Variants in NOX4 observed in about 807,000 individuals in gnomAD.
NOX4 encodes kidney oxidase-1.
NOX4 carries 69 observed loss-of-function variants against 87.6 expected under a neutral mutation model. The ratio of observed to expected loss-of-function variants is 0.79; its 90% confidence interval spans 0.65 to 0.96. The LOEUF (loss-of-function observed/expected upper bound fraction) is 0.96. Among genes scored for constraint, NOX4 ranks in the 40% least tolerant of loss-of-function variants. The pLI, the probability that NOX4 is intolerant of heterozygous loss-of-function variation, is 0.00. For missense variants in NOX4, 680 were observed against 681.5 expected (o/e 1.00, Z 0.02); for synonymous variants, 275 against 238.2 (o/e 1.15, Z -1.42).
At chr11:89,420,308 T>C (rs186974964) in intron 8 of NOX4, among the ~76,000 whole-genome samples, 2 of 152,316 alleles carry the variant, frequency 1.3e-5, no homozygotes, top group Non-Finnish European at 2.9e-5. Context: ...GTAAGCATTA[T>C]GTAACTATTT....
intron 13 of NOX4, among the ~76,000 whole-genome samples, chr11:89,349,685 G>A (rs987775408): frequency 6.6e-6 from 1 of 152,116 alleles, no homozygotes; most frequent in African/African-American, 2.4e-5. Context: ...TCCGATATTA[G>A]GAAGCTCAGA....
chr11:89,390,321 G>A (rs2135131826), intron 11 of NOX4, among the ~76,000 whole-genome samples: 1 of 152,254 alleles, frequency 6.6e-6, no homozygotes, highest in East Asian at 1.9e-4. Flanking sequence ...GTACAAATGA[G>A]CGAGCTTGTA....
At chr11:89,337,608 C>A in intron 15 of NOX4, 93 bp from the exon 16 acceptor site, 2 of 1,535,016 alleles carry the variant, frequency 1.3e-6, no homozygotes, top group Non-Finnish European at 1.8e-6. Context: ...TAGAATTTAA[C>A]ACAACCTAGC....
intron 4 of NOX4, among the ~76,000 whole-genome samples, chr11:89,445,931 C>A (rs1381999995): frequency 6.6e-6 from 1 of 151,906 alleles, no homozygotes; most frequent in African/African-American, 2.4e-5. Context: ...AGAAGATAAG[C>A]CACAGACTGG....
intron 11 of NOX4, among the ~76,000 whole-genome samples, chr11:89,394,739 G>A (rs1228423672): frequency 1.3e-5 from 2 of 151,902 alleles, no homozygotes; most frequent in East Asian, 3.9e-4. Context: ...ACCTATGAGT[G>A]AGAACATGTG....
intron 8 of NOX4, among the ~76,000 whole-genome samples, chr11:89,421,298 T>C (rs1167911759): frequency 6.6e-6 from 1 of 152,162 alleles, no homozygotes. Flanking sequence ...TCTTCATGTA[T>C]TGTTTTAAGC....
At chr11:89,416,593 C>A (rs1942789334) in intron 8 of NOX4, among the ~76,000 whole-genome samples, 1 of 152,154 alleles carries the variant, frequency 6.6e-6, no homozygotes, top group South Asian at 2.1e-4. Flanking sequence ...AAGCCGACCC[C>A]CACAATATCT....
chr11:89,436,156 T>C (rs950804182), intron 6 of NOX4, among the ~76,000 whole-genome samples: 1 of 152,148 alleles, frequency 6.6e-6, no homozygotes, highest in Non-Finnish European at 1.5e-5. Context: ...AGAGATAAAA[T>C]AAATTCTGCT....
intron 13 of NOX4, among the ~76,000 whole-genome samples, chr11:89,347,436 G>T (rs770148340): frequency 2.0e-5 from 3 of 152,192 alleles, no homozygotes; most frequent in Non-Finnish European, 4.4e-5. Flanking sequence ...TTTGCAAGAG[G>T]CCAGGTGCTT....
chr11:89,450,991 C>T (rs1171671851), intron 3 of NOX4, among the ~76,000 whole-genome samples: 5 of 147,438 alleles, frequency 3.4e-5, no homozygotes, highest in African/African-American at 1.3e-4. Flanking sequence ...CATGTCCTCA[C>T]TCATAGGTGG....
At chr11:89,425,392 T>C (rs2135280451) in intron 7 of NOX4, among the ~76,000 whole-genome samples, 1 of 150,108 alleles carries the variant, frequency 6.7e-6, no homozygotes, top group East Asian at 1.9e-4. Context: ...GGGGTGTTTG[T>C]TTCAAAATTG....
Position 89,403,666 on chromosome 11 carries a change from C to T in NOX4, c.630-1124G>A, listed in dbSNP as rs1312365479. 4.6e-5 allele frequency among the ~76,000 whole-genome samples: 7 copies of T among 152,104 alleles called. 1 individual carries two copies. The highest frequency in any genetic ancestry group is 6.8e-3 in the Middle Eastern group (2 of 294). ...CTGAGGCAGGAGAATTGCTTGAACCCGGGAGGCGGAGGTTGCGGTGACCCT... is the reference window on the plus strand; with the variant it reads ...CTGAGGCAGGAGAATTGCTTGAACCTGGGAGGCGGAGGTTGCGGTGACCCT... On this transcript the variant is annotated intron_variant, in intron 8 of 17. Transcript: ENST00000263317.
intron 17 of NOX4, among the ~76,000 whole-genome samples, chr11:89,328,976 C>T (rs942822547): frequency 3.3e-5 from 5 of 151,820 alleles, no homozygotes; most frequent in African/African-American, 1.2e-4. Flanking sequence ...ACTTCCAGCC[C>T]CCAGAACTAT....
At chr11:89,368,426 A>G (rs1375296839) in intron 12 of NOX4, among the ~76,000 whole-genome samples, 11 of 152,140 alleles carry the variant, frequency 7.2e-5, no homozygotes, top group African/African-American at 2.4e-4. Context: ...GCTGGGAAGT[A>G]CAAGATCAAG....
At chr11:89,573,466 G>A in the NOX4 span, among the ~76,000 whole-genome samples, 5 of 152,290 alleles carry the variant, frequency 3.3e-5, no homozygotes, top group Admixed American at 2.0e-4. Context: ...GCAAACCCGG[G>A]AGGCGGAGCT....
chr11:89,571,558 G>A, the NOX4 span, among the ~76,000 whole-genome samples: 1 of 152,088 alleles, frequency 6.6e-6, no homozygotes, highest in Non-Finnish European at 1.5e-5. Flanking sequence ...GCCTCCCAAA[G>A]TGCTGGGATT....
intron 2 of NOX4, among the ~76,000 whole-genome samples, chr11:89,462,384 C>G (rs1945509517): frequency 6.6e-6 from 1 of 152,038 alleles, no homozygotes; most frequent in African/African-American, 2.4e-5. Flanking sequence ...CAAATGTATG[C>G]AGAAATGCAA....
chr11:89,367,453 T>A (rs1165253519), intron 12 of NOX4, among the ~76,000 whole-genome samples: 1 of 152,154 alleles, frequency 6.6e-6, no homozygotes, highest in East Asian at 1.9e-4. Flanking sequence ...CAGCAATATG[T>A]ACCATCGCCA....
chr11:89,355,977 C>T (rs570054964), intron 12 of NOX4, among the ~76,000 whole-genome samples: 1 of 152,116 alleles, frequency 6.6e-6, no homozygotes, highest in East Asian at 1.9e-4. Flanking sequence ...TGAAGTGAAA[C>T]TGAATGATTT....
Sources: allele counts gnomAD v4.1 joint callset (sites outside exome capture counted in the v4.1 genomes callset), GRCh38; gene constraint gnomAD v4.1.1; transcripts MANE v1.5; gene names NCBI Gene and HGNC (gene_info 2026-07-23, HGNC 2026-07-21).